The following RICTOR variants were observed in gnomAD, a reference collection of about 807,000 sequenced individuals.
The protein encoded by RICTOR is RPTOR independent companion of MTOR complex 2.
In RICTOR, 49 loss-of-function variants were observed where a neutral mutation model predicts 214.9. That is an observed-to-expected ratio of 0.23 (90% CI 0.18 to 0.29). The LOEUF (loss-of-function observed/expected upper bound fraction) is 0.29, where lower values mean the gene tolerates loss of function less well. Among genes scored for constraint, RICTOR ranks in the 10% least tolerant of loss-of-function variants. The pLI is 1.00. For missense variants in RICTOR, 1,625 were observed against 2,047.0 expected (o/e 0.79, Z 3.98); for synonymous variants, 717 against 711.3 (o/e 1.01, Z -0.13).
rs1012627253 is a variant in RICTOR at position 38,940,946 on chromosome 5, A to T, written c.*1358T>A. 2.6e-5 allele frequency: 6 copies of T among 232,516 alleles called. No homozygotes were observed. Among genetic ancestry groups the T allele is most frequent in the Non-Finnish European group, 5.1e-5 (6 of 117,560 alleles). 14.4% of individuals were successfully genotyped at this position (232,516 alleles called of 1,614,324 possible). ...TAAAAATGTTATACACAAATGAATT[A>T]AAAAAGAATCCTAATCAGTCCAGCT... On this transcript the variant is annotated 3_prime_UTR_variant, in exon 38 of 38. Coordinates refer to ENST00000357387, the MANE Select transcript of RICTOR (RefSeq NM_152756.5).
At chr5:38,992,114 T>A (rs1341359087) in intron 6 of RICTOR, among the ~76,000 whole-genome samples, 1 of 152,168 alleles carries the variant, frequency 6.6e-6, no homozygotes, top group Non-Finnish European at 1.5e-5. Context: ...ACAGCATTTT[T>A]AAGACATATT....
chr5:39,031,406 C>A (rs1445916452), intron 2 of RICTOR, among the ~76,000 whole-genome samples: 3 of 152,170 alleles, frequency 2.0e-5, no homozygotes, highest in Non-Finnish European at 4.4e-5. Context: ...GTGCTATTTA[C>A]TCCTCTCTAA....
chr5:38,959,756 C>A (rs766128030), intron 21 of RICTOR, 23 bp downstream of exon 21: 5 of 1,531,872 alleles, frequency 3.3e-6, no homozygotes, highest in Non-Finnish European at 4.5e-6. Context: ...GTATATATTG[C>A]AACAAAATCT....
intron 3 of RICTOR, among the ~76,000 whole-genome samples, chr5:39,010,262 G>A (rs544758823): frequency 2.0e-5 from 3 of 152,306 alleles, no homozygotes; most frequent in Non-Finnish European, 4.4e-5. Context: ...GAAGAAGGAT[G>A]TGTTTGATTC....
At position 38,967,239 on chromosome 5, in the gene RICTOR, A is replaced by G; in HGVS notation, c.1152-12T>C. The G allele has an allele frequency of 6.2e-7, 1 of 1,610,828 alleles. No individual in the cohort carries two copies. Among genetic ancestry groups the G allele is most frequent in the Non-Finnish European group, 8.5e-7 (1 of 1,176,988 alleles). The stretch of plus-strand genomic sequence containing the variant: ...CCATGAGGTCTGGCCTGGAAAAAAC[A>G]GCACAGAAACAATTTAAATAAAGTT... On this transcript the variant is annotated splice_polypyrimidine_tract_variant and intron_variant, in intron 13 of 37. Coordinates refer to ENST00000357387, the MANE Select transcript of RICTOR (RefSeq NM_152756.5).
At chr5:39,039,600 G>T (rs183764168) in intron 2 of RICTOR, among the ~76,000 whole-genome samples, 2 of 152,118 alleles carry the variant, frequency 1.3e-5, no homozygotes, top group East Asian at 3.9e-4. Flanking sequence ...AATCTACAAT[G>T]AAGTCAAACA....
intron 3 of RICTOR, among the ~76,000 whole-genome samples, chr5:39,010,521 G>C (rs1172346835): frequency 6.6e-6 from 1 of 152,190 alleles, no homozygotes; most frequent in East Asian, 1.9e-4. Context: ...TCAGAAGACA[G>C]AGGAAAATGT....
At chr5:38,958,103 G>A (rs1399462986) in intron 24 of RICTOR, among the ~76,000 whole-genome samples, 1 of 152,000 alleles carries the variant, frequency 6.6e-6, no homozygotes, top group Non-Finnish European at 1.5e-5. Context: ...TGGGCGTGGT[G>A]GTGTGCGCCT....
chr5:38,962,505 G>A lies in RICTOR; in HGVS notation c.1648C>T (p.Leu550Phe), dbSNP rs565038909. The A allele has an allele frequency of 6.4e-7, 1 of 1,566,366 alleles. No individual in the cohort carries two copies. Among genetic ancestry groups the A allele is most frequent in the Non-Finnish European group, 8.7e-7 (1 of 1,145,166 alleles). Reference sequence around the variant, plus strand: ...CATACCTTAAGAATGGTCCCTATAAGATTCCAATTCCATTCAAGATTCTCT... The same window carrying A: ...CATACCTTAAGAATGGTCCCTATAAAATTCCAATTCCATTCAAGATTCTCT... ...HKENLEWNWN[L>F]IGTILKWPNV... Residue 550 changes from leucine to phenylalanine, a missense_variant, in exon 18 of 38, where the codon CTT becomes TTT. Physicochemically the swap from Leu to Phe is conservative, Grantham distance 22 (BLOSUM62 0). Transcript: ENST00000357387.
chr5:39,003,153 A>G (rs1045576705), intron 4 of RICTOR, among the ~76,000 whole-genome samples: 13 of 152,170 alleles, frequency 8.5e-5, no homozygotes, highest in Admixed American at 7.2e-4. Context: ...CCTAAAAGAT[A>G]GTTATAAAGC....
rs2150023853 is a variant in RICTOR, at chr5:38,962,902, C to T, written c.1540G>A (p.Val514Ile). Residue 514 changes from valine to isoleucine, a missense_variant, in exon 17 of 38, where the codon GTT (valine) becomes ATT (isoleucine). By Grantham distance (29) the Val-to-Ile change is conservative (BLOSUM62 3). Coordinates refer to ENST00000357387, the MANE Select transcript of RICTOR (RefSeq NM_152756.5). ...THQKRDQYLR[V>I]QKDIFILKDT... ...TTAAGGATAAATATATCTTTCTGAA[C>T]TCGGAGATACTGATCCCGTTTCTGG... 1 of 1,612,676 alleles carries T rather than the reference C, an allele frequency of 6.2e-7. No homozygotes were observed. Among genetic ancestry groups the T allele is most frequent in the Non-Finnish European group, 8.5e-7 (1 of 1,178,910 alleles).
chr5:39,026,360 A>C (rs944542214), intron 2 of RICTOR, among the ~76,000 whole-genome samples: 1 of 152,088 alleles, frequency 6.6e-6, no homozygotes, highest in Non-Finnish European at 1.5e-5. Context: ...AAACAAAACA[A>C]AACAAAACAA....
intron 19 of RICTOR, among the ~76,000 whole-genome samples, chr5:38,961,536 A>C (rs1388881527): frequency 6.6e-6 from 1 of 152,128 alleles, no homozygotes; most frequent in Non-Finnish European, 1.5e-5. Context: ...GTTCAATTTC[A>C]TGCACTACAA....
At chr5:39,031,225 G>A (rs1488985205) in intron 2 of RICTOR, among the ~76,000 whole-genome samples, 1 of 152,142 alleles carries the variant, frequency 6.6e-6, no homozygotes, top group Non-Finnish European at 1.5e-5. Flanking sequence ...TGACTGACCA[G>A]GTTTGTTGAT....
chr5:38,950,394 T>A lies in RICTOR; in HGVS notation c.3454A>T (p.Thr1152Ser). The A allele has an allele frequency of 6.2e-7, 1 of 1,613,226 alleles. No homozygotes were observed. The highest frequency in any genetic ancestry group is 8.5e-7 in the Non-Finnish European group (1 of 1,179,362). Residue 1152 changes from threonine to serine, a missense_variant, in exon 31 of 38, where the codon ACT becomes TCT. By Grantham distance (58) the Thr-to-Ser change is moderately conservative. This residue lies in a region of RICTOR where 1,214 missense variants were observed against 1,470.5 expected (regional missense o/e 0.83). Transcript: ENST00000357387. The stretch of plus-strand genomic sequence containing the variant: ...TCTAATTGTAATGTTTTCTGTACAG[T>A]GGATATGGGTGTAAAATCATCACTA... ...NHSDDFTPIS[T>S]VQKTLQLETS...
chr5:38,982,161 C>G (rs1751763805), intron 7 of RICTOR, 125 bp from the exon 8 acceptor site: 2 of 636,266 alleles, frequency 3.1e-6, no homozygotes, highest in African/African-American at 3.7e-5. Flanking sequence ...TTTATAAGAA[C>G]AGGTAGATAA....
rs142307629 is a variant in RICTOR at position 39,044,119 on chromosome 5, T to A, written c.98-22983A>T. Among the ~76,000 whole-genome samples, 15 of 152,340 alleles carry A rather than the reference T, an allele frequency of 9.8e-5. No homozygotes were observed. In the East Asian group the frequency reaches 2.9e-3, roughly 29 times the overall value. The stretch of plus-strand genomic sequence containing the variant: ...ACTGTACCCTATAAATATGTAATTA[T>A]TATGTGTCAATTAAAACCAAAATAT... On this transcript the variant is annotated intron_variant, in intron 2 of 37. Transcript: ENST00000357387.
chr5:38,982,928 T>C (rs1751841006), intron 7 of RICTOR, among the ~76,000 whole-genome samples: 2 of 152,106 alleles, frequency 1.3e-5, no homozygotes, highest in Non-Finnish European at 2.9e-5. Context: ...TTACTGTTTA[T>C]TCTTCCAGAA....
chr5:39,047,394 C>T (rs1480852247), intron 2 of RICTOR, among the ~76,000 whole-genome samples: 1 of 152,170 alleles, frequency 6.6e-6, no homozygotes, highest in Non-Finnish European at 1.5e-5. Flanking sequence ...AGCCACTGAT[C>T]TGACAGAAGG....
Sources: allele counts gnomAD v4.1 joint callset (sites outside exome capture counted in the v4.1 genomes callset), GRCh38; gene constraint gnomAD v4.1.1; regional missense constraint gnomAD v4.1.1; transcripts MANE v1.5; gene names NCBI Gene and HGNC (gene_info 2026-07-23, HGNC 2026-07-21).